The following ADA2 variants were observed in gnomAD, a reference collection of about 807,000 sequenced individuals.
ADA2 encodes adenosine deaminase 2, also known as adenosine deaminase CECR1.
In ADA2, 29 loss-of-function variants were observed where a neutral mutation model predicts 44.2. The ratio of observed to expected loss-of-function variants is 0.66; its 90% CI spans 0.49 to 0.89. ADA2 has a LOEUF of 0.89. ADA2 is among the 40% of genes least tolerant of loss of function. The probability of loss-of-function intolerance (pLI) is 0.00; values close to 1 mark genes in which losing one functional copy is unlikely to be tolerated. For synonymous variants in ADA2, 215 were observed against 234.9 expected (o/e 0.92, Z 0.77); for missense variants, 637 against 644.8 (o/e 0.99, Z 0.13).
In ADA2 at chr22:17,209,917, G is replaced by C. The variant is rs1601462872; in HGVS notation, c.-46-194C>G. The C allele has an allele frequency of 5.0e-5, 24 of 481,282 alleles. No individual in the cohort carries two copies. In the South Asian group the frequency reaches 6.8e-4, roughly 14 times the overall value. 29.8% of individuals were successfully genotyped at this position (481,282 alleles called of 1,614,324 possible). ...TTTTTTTTTTTTTTTTTGAGACGGA[G>C]TCTCGCTCTGCTGCCCAGGCTGGAG... On this transcript the variant is annotated intron_variant, in intron 1 of 9. Coordinates refer to ENST00000399837, the MANE Select transcript of ADA2 (RefSeq NM_001282225.2).
intron 2 of ADA2, among the ~76,000 whole-genome samples, chr22:17,208,601 G>A (rs1601461043): frequency 6.6e-6 from 1 of 151,692 alleles, no homozygotes; most frequent in Non-Finnish European, 1.5e-5. Flanking sequence ...TCAGGTGTTC[G>A]AGATCAGCCT....
At chr22:17,199,416 T>TCCTCCCTCACCTCCTCTATCCTCTTCC in intron 4 of ADA2, 2 of 429,642 alleles carry the variant, frequency 4.7e-6, no homozygotes, top group East Asian at 3.9e-5. Context: ...TCTCAGCGTC[T>TCCTCCCTCACCTCCTCTATCCTCTTCC]CCTCCCTCCC....
chr22:17,200,918 G>A (rs778006848), intron 4 of ADA2, among the ~76,000 whole-genome samples: 135 of 150,538 alleles, frequency 9.0e-4, no homozygotes, highest in Middle Eastern at 7.3e-3. Context: ...AAAAAGGTGG[G>A]TCAGTCCAGG....
intron 1 of ADA2, among the ~76,000 whole-genome samples, chr22:17,210,283 C>T (rs1030406591): frequency 2.8e-4 from 40 of 144,248 alleles, no homozygotes; most frequent in African/African-American, 9.5e-4. Flanking sequence ...CTCCGCCTCC[C>T]GGGTTCAAGT....
intron 4 of ADA2, among the ~76,000 whole-genome samples, chr22:17,198,354 T>C (rs2062220535): frequency 6.6e-6 from 1 of 152,186 alleles, no homozygotes; most frequent in Non-Finnish European, 1.5e-5. Flanking sequence ...GGGCTGAAGA[T>C]CTGCCACTGT....
At chr22:17,209,875 G>A (rs2062399637) in intron 1 of ADA2, 152 bp from the exon 2 acceptor site, 1 of 559,150 alleles carries the variant, frequency 1.8e-6, no homozygotes, top group Admixed American at 3.5e-5. Context: ...GTACAGACAG[G>A]TAGGGGTTTC....
At chr22:17,218,033 G>A (rs1411004321) in intron 1 of ADA2, among the ~76,000 whole-genome samples, 1 of 152,182 alleles carries the variant, frequency 6.6e-6, no homozygotes, top group African/African-American at 2.4e-5. Context: ...GACAAGATCA[G>A]TGGTTTTCCA....
At chr22:17,216,226 G>A (rs2062469842) in intron 1 of ADA2, among the ~76,000 whole-genome samples, 1 of 151,894 alleles carries the variant, frequency 6.6e-6, no homozygotes, top group Non-Finnish European at 1.5e-5. Flanking sequence ...TTATCCATGT[G>A]TAGTGGTACA....
In ADA2 at chr22:17,180,509, G is replaced by T. The variant is rs578003005; in HGVS notation, c.*974C>A. The T allele has an allele frequency of 6.6e-6, 1 of 152,374 alleles. No individual in the cohort carries two copies. Among genetic ancestry groups the T allele is most frequent in the African/African-American group, 2.4e-5 (1 of 41,560 alleles). 9.4% of individuals were successfully genotyped at this position (152,374 alleles called of 1,614,324 possible). A position where few individuals can be genotyped will look rare whatever the true frequency, so the allele number is the denominator to read the frequency against. ...CAGCTATGGGAAAGGCCAGGGAAAG[G>T]TTTAAAGGGCTGAGTGTGGTGGCTC... On this transcript the variant is annotated 3_prime_UTR_variant, in exon 10 of 10. Transcript: ENST00000399837.
At chr22:17,191,301 CCA>C (rs924659498) in intron 5 of ADA2, among the ~76,000 whole-genome samples, 3 of 152,226 alleles carry the variant, frequency 2.0e-5, no homozygotes, top group East Asian at 1.9e-4. Flanking sequence ...TCACACACAA[CCA>C]CACACAGAAC....
intron 6 of ADA2, 78 bp downstream of exon 6, chr22:17,189,864 G>C: frequency 1.9e-6 from 2 of 1,034,184 alleles, no homozygotes. Context: ...CCCTTCCCAG[G>C]GAGTTGCCGC....
intron 1 of ADA2, among the ~76,000 whole-genome samples, chr22:17,216,771 A>AAAC (rs1555888344): frequency 2.2e-5 from 3 of 135,076 alleles, no homozygotes; most frequent in African/African-American, 5.6e-5. Context: ...AAAAAAAAAA[A>AAAC]ACACACACAC....
intron 1 of ADA2, among the ~76,000 whole-genome samples, chr22:17,214,723 G>A (rs1279081037): frequency 1.3e-5 from 2 of 152,234 alleles, no homozygotes; most frequent in East Asian, 3.8e-4. Flanking sequence ...CAGCCTGGGT[G>A]GCAGAACAGC....
intron 5 of ADA2, among the ~76,000 whole-genome samples, chr22:17,191,038 C>A (rs1160242411): frequency 6.6e-6 from 1 of 152,242 alleles, no homozygotes; most frequent in African/African-American, 2.4e-5. Context: ...CTCCGAGGGA[C>A]CCCACTGGCT....
chr22:17,197,368 C>T (rs2123679064), intron 4 of ADA2, among the ~76,000 whole-genome samples: 1 of 150,888 alleles, frequency 6.6e-6, no homozygotes, highest in African/African-American at 2.4e-5. Context: ...CTCAGGTGAT[C>T]CTCCCACCTC....
At chr22:17,182,530 A>G (rs2061984147) in intron 8 of ADA2, 74 bp downstream of exon 8, 2 of 1,441,612 alleles carry the variant, frequency 1.4e-6, no homozygotes, top group South Asian at 1.2e-5. Context: ...TAAGTTATAC[A>G]GCAAAAAGTT....
At position 17,209,436 on chromosome 22, in the gene ADA2, G is replaced by A. The variant is rs1296588252; in HGVS notation, c.242C>T (p.Pro81Leu). ...MKEAMRTLIF[P>L]PSMHFFQAKH... ...GGCCTGGAAAAAGTGCATGCTGGGT[G>A]GGAATATCAGGGTCCTCATGGCCTC... Residue 81 changes from proline (P) to leucine (L), a missense_variant, in exon 2 of 10, where the codon CCA becomes CTA. Coordinates refer to ENST00000399837, the MANE Select transcript of ADA2 (RefSeq NM_001282225.2). 2.5e-6 allele frequency: 4 copies of A among 1,614,016 alleles called. No homozygotes were observed. Among genetic ancestry groups the A allele is most frequent in the Non-Finnish European group, 3.4e-6 (4 of 1,180,036 alleles).
chr22:17,186,194 T>C (rs1478371315), intron 7 of ADA2, among the ~76,000 whole-genome samples: 1 of 152,164 alleles, frequency 6.6e-6, no homozygotes, highest in East Asian at 1.9e-4. Flanking sequence ...TCTGCCAATT[T>C]CCAGCTGTGT....
At chr22:17,206,747 C>A (rs562798614) in intron 3 of ADA2, among the ~76,000 whole-genome samples, 20 of 152,208 alleles carry the variant, frequency 1.3e-4, no homozygotes, top group African/African-American at 4.8e-4. Flanking sequence ...TAAAGTGATC[C>A]TCCTGGGTTA....
Sources: allele counts gnomAD v4.1 joint callset (sites outside exome capture counted in the v4.1 genomes callset), GRCh38; gene constraint gnomAD v4.1.1; transcripts MANE v1.5; gene names NCBI Gene and HGNC (gene_info 2026-07-23, HGNC 2026-07-21).